The following ATP13A5 variants were observed in gnomAD, a reference collection of about 807,000 sequenced individuals.
ATP13A5 encodes ATPase 13A5.
Under a neutral mutation model 150.2 loss-of-function variants are expected in ATP13A5, and 149 were observed. The observed-to-expected ratio is 0.99, with a 90% confidence interval of 0.87 to 1.14. The LOEUF (loss-of-function observed/expected upper bound fraction) is 1.14, where lower values mean the gene tolerates loss of function less well. Ranked by LOEUF, ATP13A5 falls within the 50% of genes most tolerant of loss-of-function variation. The pLI is 0.00. For synonymous variants in ATP13A5, 497 were observed against 522.2 expected (o/e 0.95, Z 0.66); for missense variants, 1,383 against 1,449.3 (o/e 0.95, Z 0.74).
At chr3:193,334,876 A>T in intron 10 of ATP13A5, 53 bp downstream of exon 10, 4 of 1,547,228 alleles carry the variant, frequency 2.6e-6, no homozygotes, top group Non-Finnish European at 3.5e-6. Context: ...CCCTAATCCA[A>T]CTCTCCCCAT....
chr3:193,281,352 G>A (rs894753377), intron 27 of ATP13A5: 1 of 196,380 alleles, frequency 5.1e-6, no homozygotes, highest in African/African-American at 2.4e-5. Context: ...AGTGAGCAAT[G>A]TAGAAACAAA....
At position 193,315,146 on chromosome 3, in the gene ATP13A5, A is replaced by G. The variant is rs370480519; in HGVS notation, c.2034-50T>C. 6 of 1,538,912 alleles carry G rather than the reference A, an allele frequency of 3.9e-6. No homozygotes were observed. The East Asian group carries it at 1.1e-4, about 29-fold the overall frequency. On this transcript the variant is annotated intron_variant, in intron 17 of 29. Transcript: ENST00000342358. ...ATTAAAGTATATCTACGTAGGCTCC[A>G]TAGTTCAATTTATTTCTTCTTTTAA...
intron 26 of ATP13A5, among the ~76,000 whole-genome samples, chr3:193,289,236 A>G (rs984176902): frequency 2.6e-5 from 4 of 152,146 alleles, no homozygotes; most frequent in African/African-American, 9.7e-5. Flanking sequence ...CATCGGCGCT[A>G]TAGCCTACCA....
chr3:193,318,674 G>C (rs965840843), intron 17 of ATP13A5, among the ~76,000 whole-genome samples: 1 of 152,110 alleles, frequency 6.6e-6, no homozygotes, highest in Non-Finnish European at 1.5e-5. Context: ...TTGAAGGAGC[G>C]TTGGTTGTTT....
intron 1 of ATP13A5, among the ~76,000 whole-genome samples, chr3:193,366,447 A>G (rs1713241349): frequency 6.6e-6 from 1 of 152,064 alleles, no homozygotes; most frequent in Non-Finnish European, 1.5e-5. Flanking sequence ...ATATCGCTGT[A>G]TTACTATCAC....
At chr3:193,350,973 G>A in intron 7 of ATP13A5, 94 bp downstream of exon 7, 7 of 1,441,262 alleles carry the variant, frequency 4.9e-6, no homozygotes, top group Admixed American at 2.1e-5. Context: ...ACTTATGGTT[G>A]ACAAAGCAAC....
intron 25 of ATP13A5, among the ~76,000 whole-genome samples, chr3:193,295,506 A>ATTTG (rs1254409269): frequency 6.6e-6 from 1 of 151,932 alleles, no homozygotes; most frequent in Non-Finnish European, 1.5e-5. Context: ...CTTGCATCTT[A>ATTTG]TTTGTTCATG....
intron 5 of ATP13A5, among the ~76,000 whole-genome samples, chr3:193,360,263 G>A (rs577034040): frequency 2.5e-4 from 38 of 152,018 alleles, no homozygotes; most frequent in African/African-American, 7.7e-4. Context: ...ATATGCTTTC[G>A]CTACTGAAAA....
At chr3:193,341,553 T>C (rs4687402) in intron 9 of ATP13A5, among the ~76,000 whole-genome samples, 146,968 of 152,204 alleles carry the variant, frequency 0.97, 70,982 homozygotes, top group African/African-American at 0.99. Flanking sequence ...CAGGATCTGC[T>C]GCCCTGTCCA....
intron 1 of ATP13A5, among the ~76,000 whole-genome samples, chr3:193,369,166 C>T (rs564921016): frequency 6.6e-6 from 1 of 152,140 alleles, no homozygotes; most frequent in South Asian, 2.1e-4. Context: ...ATCGCTTGAG[C>T]CCAGGAGTTC....
intron 1 of ATP13A5, among the ~76,000 whole-genome samples, chr3:193,366,584 A>T (rs1416918530): frequency 6.6e-6 from 1 of 152,098 alleles, no homozygotes; most frequent in East Asian, 1.9e-4. Context: ...CACATCTAAA[A>T]AACATAGTTT....
At chr3:193,299,514 T>A (rs995562695) in intron 24 of ATP13A5, among the ~76,000 whole-genome samples, 3 of 152,178 alleles carry the variant, frequency 2.0e-5, no homozygotes, top group African/African-American at 7.2e-5. Context: ...CAACATAAGA[T>A]GTTAAAGCCT....
intron 9 of ATP13A5, among the ~76,000 whole-genome samples, chr3:193,342,737 T>C (rs1165611590): frequency 1.3e-5 from 2 of 152,190 alleles, no homozygotes; most frequent in Non-Finnish European, 1.5e-5. Flanking sequence ...AGTGAGACTT[T>C]CTGTGTTTCC....
chr3:193,365,419 T>C (rs1338572134), intron 1 of ATP13A5, among the ~76,000 whole-genome samples: 1 of 152,128 alleles, frequency 6.6e-6, no homozygotes, highest in East Asian at 1.9e-4. Context: ...CCACTCTATT[T>C]TGAGATTATT....
In ATP13A5 at chr3:193,314,216, T is replaced by C. The variant is rs772520189; in HGVS notation, c.2159-23A>G. 7 of 1,611,220 alleles carry C rather than the reference T, an allele frequency of 4.3e-6. No individual in the cohort carries two copies. In the South Asian group the frequency reaches 4.4e-5, roughly 10 times the overall value. ...CACCTAGAAGACAAAGAAACTTTGC[T>C]TGCTGTATGTACAAACCTCCCCTCA... On this transcript the variant is annotated intron_variant, in intron 18 of 29. Coordinates refer to ENST00000342358, the MANE Select transcript of ATP13A5 (RefSeq NM_198505.4).
chr3:193,362,662 A>G (rs2108900979), intron 3 of ATP13A5, 25 bp from the exon 4 acceptor site: 7 of 1,610,118 alleles, frequency 4.3e-6, no homozygotes, highest in Non-Finnish European at 6.0e-6. Flanking sequence ...GTGATAGAGC[A>G]GGTGTCATTC....
Position 193,363,278 on chromosome 3 carries a change from G to T in ATP13A5, c.342C>A (p.Arg114=), listed in dbSNP as rs768988035. The change falls in exon 3 of 30, where the codon CGC becomes CGA. Residue 114 remains arginine, a synonymous_variant. Transcript: ENST00000342358. ...TTAAGGCTTGGTTTATGACAGAGTG[G>T]CGGTCAGCCACCAGGGATTCTTCCC... ...KKWEESLVAD[R]HSVINQALIK... 38 of 1,613,740 alleles carry T rather than the reference G, an allele frequency of 2.4e-5. 1 individual carries two copies. The South Asian group carries it at 4.1e-4, about 17-fold the overall frequency.
In ATP13A5 at chr3:193,314,179, T is replaced by C; in HGVS notation, c.2173A>G (p.Thr725Ala). 1 of 1,613,758 alleles carries C rather than the reference T, an allele frequency of 6.2e-7. No homozygotes were observed. ...TVMITGDNLQ[T>A]AITVAKNSEM... ...GAATTCTTTGCAACAGTAATGGCCG[T>C]TTGAAGGTTATCACCTAGAAGACAA... The change falls in exon 19 of 30, where the codon ACG becomes GCG. Residue 725 changes from threonine to alanine, a missense_variant. Thr to Ala is a moderately conservative substitution (Grantham distance 58). Around this residue, in one of 3 missense-constraint regions of ATP13A5, gnomAD observed 568 missense variants for 621.5 expected, o/e 0.91. Transcript: ENST00000342358.
chr3:193,309,531 T>G (rs941873170), intron 21 of ATP13A5, among the ~76,000 whole-genome samples: 6 of 152,132 alleles, frequency 3.9e-5, no homozygotes, highest in Non-Finnish European at 8.8e-5. Flanking sequence ...TCCACTCCCC[T>G]GGACGTGGGC....
Sources: gnomAD v4.1 joint callset for allele counts (sites outside exome capture counted in the v4.1 genomes callset) on GRCh38, gnomAD v4.1.1 for gene constraint, gnomAD v4.1.1 regional missense constraint, MANE v1.5 for transcripts, NCBI Gene and HGNC (gene_info 2026-07-23, HGNC 2026-07-21) for gene names.